Variants in MKRN2 observed in about 807,000 individuals in gnomAD.
The protein encoded by MKRN2 is makorin ring finger protein 2, also known as E3 ubiquitin-protein ligase makorin-2.
MKRN2 carries 32 observed loss-of-function variants against 45.4 expected under a neutral mutation model. The observed-to-expected ratio is 0.70, with a 90% confidence interval of 0.53 to 0.95. MKRN2 has a LOEUF of 0.95. MKRN2 is among the 40% of genes least tolerant of loss of function. The pLI is 0.00. For missense variants in MKRN2, 526 were observed against 536.7 expected (o/e 0.98, Z 0.20); for synonymous variants, 206 against 192.4 (o/e 1.07, Z -0.59).
At position 12,582,714 on chromosome 3, in the gene MKRN2, T is replaced by G. The variant is rs2058193897; in HGVS notation, c.*461T>G. 2 of 158,288 alleles carry G rather than the reference T, an allele frequency of 1.3e-5. No individual in the cohort carries two copies. Among genetic ancestry groups the G allele is most frequent in the African/African-American group, 4.8e-5 (2 of 41,544 alleles). 9.8% of individuals were successfully genotyped at this position (158,288 alleles called of 1,614,324 possible). On this transcript the variant is annotated 3_prime_UTR_variant, in exon 8 of 8. Coordinates refer to ENST00000170447, the MANE Select transcript of MKRN2 (RefSeq NM_014160.5). ...AGTGTATTTAGTGTGTCGTCAAAAT[T>G]TTGATTTATACAGAGCTTTCAAGAA...
chr3:12,576,173 G>A (rs1428288531), intron 5 of MKRN2, among the ~76,000 whole-genome samples: 2 of 148,272 alleles, frequency 1.3e-5, no homozygotes, highest in South Asian at 2.1e-4. Flanking sequence ...TGTCTTTTTT[G>A]TTGAGGAAAC....
intron 2 of MKRN2, among the ~76,000 whole-genome samples, chr3:12,569,277 C>A (rs1349737340): frequency 1.4e-5 from 2 of 144,650 alleles, no homozygotes; most frequent in Admixed American, 1.4e-4. Context: ...CTCAGCCTCC[C>A]AAGTAGCTGA....
At chr3:12,562,529 A>G (rs1462564388) in intron 1 of MKRN2, among the ~76,000 whole-genome samples, 1 of 152,180 alleles carries the variant, frequency 6.6e-6, no homozygotes, top group East Asian at 1.9e-4. Context: ...TAACAGCCTT[A>G]TGGCAAATTA....
At position 12,570,135 on chromosome 3, in the gene MKRN2, C is replaced by T. The variant is rs1475751559; in HGVS notation, c.220C>T (p.Pro74Ser). ...GAVGTMAHSV[P>S]SPAFHSPHPP... ...TGTGGGCACCATGGCCCACAGTGTG[C>T]CCTCCCCAGCTTTCCACAGTCCTCA... Residue 74 changes from proline to serine, a missense_variant, in exon 3 of 8, where the codon CCC becomes TCC. By Grantham distance (74) the Pro-to-Ser change is moderately conservative. Coordinates refer to ENST00000170447, the MANE Select transcript of MKRN2 (RefSeq NM_014160.5). 3.1e-6 allele frequency: 5 copies of T among 1,613,836 alleles called. No individual in the cohort carries two copies. In the African/African-American group the frequency reaches 4.0e-5, roughly 13 times the overall value.
chr3:12,570,256 A>C lies in MKRN2; in HGVS notation c.337+4A>C. ...ACATTGGTTCTTAGAGACCGAAGTG[A>C]GTAAGCGGAAGCCTTTTGTTGCGTC... On this transcript the variant is annotated splice_donor_region_variant and intron_variant, in intron 3 of 7. Coordinates refer to ENST00000170447, the MANE Select transcript of MKRN2 (RefSeq NM_014160.5). The C allele has an allele frequency of 1.2e-6, 2 of 1,611,744 alleles. No homozygotes were observed. Among genetic ancestry groups the C allele is most frequent in the Non-Finnish European group, 1.7e-6 (2 of 1,178,608 alleles).
intron 1 of MKRN2, among the ~76,000 whole-genome samples, chr3:12,558,660 A>G (rs2058006481): frequency 6.6e-6 from 1 of 152,230 alleles, no homozygotes; most frequent in South Asian, 2.1e-4. Context: ...TAGAGGCACA[A>G]GGACCTAAAT....
chr3:12,557,191 G>C lies in MKRN2; in HGVS notation c.26+15G>C, dbSNP rs752518463. ...ATCACTTGCAGGTCAGTGCGCTGGA[G>C]CCAGGAGCTTCGGGCCGCTCCCCCA... On this transcript the variant is annotated intron_variant, in intron 1 of 7. Coordinates refer to ENST00000170447, the MANE Select transcript of MKRN2 (RefSeq NM_014160.5). 7 of 1,534,670 alleles carry C rather than the reference G, an allele frequency of 4.6e-6. No homozygotes were observed. The African/African-American group carries it at 7.0e-5, about 15-fold the overall frequency.
intron 6 of MKRN2, among the ~76,000 whole-genome samples, chr3:12,579,645 G>A (rs1294197854): frequency 6.6e-6 from 1 of 152,178 alleles, no homozygotes; most frequent in Non-Finnish European, 1.5e-5. Context: ...TGTCTGTAGG[G>A]GGAAGTGATG....
At chr3:12,575,959 A>G (rs554775384) in intron 5 of MKRN2, among the ~76,000 whole-genome samples, 13 of 152,170 alleles carry the variant, frequency 8.5e-5, no homozygotes, top group Non-Finnish European at 1.8e-4. Context: ...TGCAACTATT[A>G]TGAATAATGC....
chr3:12,571,822 T>G (rs1374652439), intron 3 of MKRN2, among the ~76,000 whole-genome samples: 1 of 152,240 alleles, frequency 6.6e-6, no homozygotes, highest in African/African-American at 2.4e-5. Context: ...TCCTATTGTT[T>G]TGCTATTTCC....
intron 6 of MKRN2, among the ~76,000 whole-genome samples, chr3:12,579,996 A>G (rs1559392686): frequency 6.6e-6 from 1 of 152,092 alleles, no homozygotes; most frequent in African/African-American, 2.4e-5. Context: ...GAGGGAGGCC[A>G]GTGAGGAAGT....
At chr3:12,576,933 G>GTTTTTGTTTTGT (rs56380121) in intron 6 of MKRN2, 192 bp downstream of exon 6, 1 of 55,244 alleles carries the variant, frequency 1.8e-5, no homozygotes, top group African/African-American at 1.3e-4. Flanking sequence ...TAGTTTTGGT[G>GTTTTTGTTTTGT]TTTTTTTTTT....
chr3:12,581,755 T>C (rs1278956766), intron 6 of MKRN2, 53 bp from the exon 7 acceptor site: 2 of 1,600,598 alleles, frequency 1.2e-6, no homozygotes, highest in Non-Finnish European at 1.7e-6. Context: ...GTGGCCCAGT[T>C]TGGACCCCTC....
At chr3:12,570,694 T>C (rs2058093174) in intron 3 of MKRN2, among the ~76,000 whole-genome samples, 1 of 151,682 alleles carries the variant, frequency 6.6e-6, no homozygotes, top group African/African-American at 2.4e-5. Flanking sequence ...CTGGCCAACA[T>C]GGTTTAGTAG....
At chr3:12,557,646 G>C (rs1292315677) in intron 1 of MKRN2, among the ~76,000 whole-genome samples, 1 of 152,262 alleles carries the variant, frequency 6.6e-6, no homozygotes, top group Non-Finnish European at 1.5e-5. Context: ...AACTTGCAGA[G>C]AGTTAACAAG....
At chr3:12,564,878 G>C (rs759030095) in intron 1 of MKRN2, among the ~76,000 whole-genome samples, 1 of 152,188 alleles carries the variant, frequency 6.6e-6, no homozygotes, top group East Asian at 1.9e-4. Flanking sequence ...TGCAACATGT[G>C]GTCTTTTGTG....
At chr3:12,573,862 C>G (rs1213684011) in intron 4 of MKRN2, among the ~76,000 whole-genome samples, 2 of 151,402 alleles carry the variant, frequency 1.3e-5, no homozygotes, top group African/African-American at 2.4e-5. Flanking sequence ...CACCGCACTC[C>G]AGCCTGGACG....
chr3:12,569,475 A>C (rs1575519155), intron 2 of MKRN2, among the ~76,000 whole-genome samples: 1 of 152,276 alleles, frequency 6.6e-6, no homozygotes, highest in East Asian at 1.9e-4. Context: ...TTCATTTTTT[A>C]AAACTACTTT....
At position 12,572,152 on chromosome 3, in the gene MKRN2, G is replaced by A. The variant is rs1280418617; in HGVS notation, c.421G>A (p.Glu141Lys). The change falls in exon 4 of 8, where the codon GAG becomes AAG. Residue 141 changes from glutamate to lysine, a missense_variant. Physicochemically the swap from Glu to Lys is moderately conservative, Grantham distance 56. Coordinates refer to ENST00000170447, the MANE Select transcript of MKRN2 (RefSeq NM_014160.5). ...GSCSDPQPSP[E>K]MKPHSYLDAI... ...CTGCAGCGACCCCCAGCCCAGCCCC[G>A]AGATGAAGCCGCATTCCTACCTGGA... 10 of 1,613,992 alleles carry A rather than the reference G, an allele frequency of 6.2e-6. No individual in the cohort carries two copies. Among genetic ancestry groups the A allele is most frequent in the East Asian group, 4.5e-5 (2 of 44,878 alleles).
Sources: allele counts gnomAD v4.1 joint callset (sites outside exome capture counted in the v4.1 genomes callset), GRCh38; gene constraint gnomAD v4.1.1; transcripts MANE v1.5; gene names NCBI Gene and HGNC (gene_info 2026-07-23, HGNC 2026-07-21).